The following RGS5 variants were observed in gnomAD, a reference collection of about 807,000 sequenced individuals.
RGS5 encodes the protein regulator of G-protein signalling 5.
A neutral mutation model predicts 18.9 loss-of-function variants in RGS5; 20 were observed. The ratio of observed to expected loss-of-function variants is 1.06; its 90% CI spans 0.74 to 1.54. The LOEUF is 1.54. Ranked by LOEUF, RGS5 falls within the 40% of genes most tolerant of loss-of-function variation. RGS5 has a pLI of 0.00. For missense variants in RGS5, 201 were observed against 211.8 expected (o/e 0.95, Z 0.32); for synonymous variants, 57 against 76.2 (o/e 0.75, Z 1.31).
chr1:163,213,657 A>T (rs74721670), intron 1 of RGS5, among the ~76,000 whole-genome samples: 1 of 152,210 alleles, frequency 6.6e-6, no homozygotes, highest in East Asian at 1.9e-4. Flanking sequence ...TATTTAATCC[A>T]TGTTTGAAGC....
In RGS5 at chr1:163,200,748, A is replaced by G. The variant is rs372716577; in HGVS notation, c.44+2044T>C. 3.9e-5 allele frequency among the ~76,000 whole-genome samples: 6 copies of G among 152,304 alleles called. No homozygotes were observed. The South Asian group carries it at 8.3e-4, about 21-fold the overall frequency. ...CGTATTCTACCACATCCCAATAAAT[A>G]AAAGACTCAGTCAACCTATGGGGAA... On this transcript the variant is annotated intron_variant, in intron 1 of 4. Transcript: ENST00000313961.
At chr1:163,205,725 G>C (rs563381087), upstream of RGS5, among the ~76,000 whole-genome samples, 1 of 152,318 alleles carries the variant, frequency 6.6e-6, no homozygotes, top group East Asian at 1.9e-4. Context: ...AGCTGTGCAA[G>C]TGGAAGCAGT....
Position 163,161,923 on chromosome 1 carries a change from T to G in RGS5, c.209A>C (p.Gln70Pro). ...QWRDSLDKLL[Q>P]NNYGLASFKS... ...AAACAATGGAAACTTACAGTTGTTC[T>G]GCAGGAGTTTGTCCAGGGAATCACG... Residue 70 changes from glutamine to proline, a missense_variant, in exon 3 of 5, where the codon CAG becomes CCG. Transcript: ENST00000313961. 2 of 1,613,084 alleles carry G rather than the reference T, an allele frequency of 1.2e-6. No homozygotes were observed. The highest frequency in any genetic ancestry group is 1.7e-6 in the Non-Finnish European group (2 of 1,179,136).
chr1:163,238,738 G>T, intron 2 of RGS5: 1 of 239,850 alleles, frequency 4.2e-6, no homozygotes. Context: ...TCCTTACATA[G>T]GTTTATCTGC....
intron 2 of RGS5, among the ~76,000 whole-genome samples, chr1:163,252,390 C>G (rs1383952102): frequency 1.3e-5 from 2 of 152,118 alleles, no homozygotes; most frequent in Non-Finnish European, 2.9e-5. Context: ...TTCTTTCATC[C>G]TCTTTACAGG....
chr1:163,265,383 A>T (rs567445898), intron 2 of RGS5, among the ~76,000 whole-genome samples: 154 of 152,214 alleles, frequency 1.0e-3, no homozygotes, highest in African/African-American at 3.6e-3. Context: ...TTTTACTTCA[A>T]TGCTAATTTA....
chr1:163,318,128 T>C (rs1388839949), intron 1 of RGS5, among the ~76,000 whole-genome samples: 1 of 152,068 alleles, frequency 6.6e-6, no homozygotes, highest in Non-Finnish European at 1.5e-5. Flanking sequence ...AAAATAAAGA[T>C]AGTCCAGACA....
intron 2 of RGS5, among the ~76,000 whole-genome samples, chr1:163,274,934 T>C (rs750335163): frequency 2.6e-5 from 4 of 151,984 alleles, no homozygotes; most frequent in African/African-American, 7.3e-5. Flanking sequence ...CTGGGCAACA[T>C]AGGGAAACTC....
At chr1:163,294,250 C>A (rs890663135) in intron 2 of RGS5, among the ~76,000 whole-genome samples, 1 of 152,248 alleles carries the variant, frequency 6.6e-6, no homozygotes, top group East Asian at 1.9e-4. Flanking sequence ...CAGCAGACTT[C>A]TGTCAGGATA....
Position 163,260,103 on chromosome 1 carries a change from T to C in RGS5, c.-281+46130A>G, listed in dbSNP as rs182173010. 337 of 152,350 alleles carry C rather than the reference T, an allele frequency of 2.2e-3. 2 individuals are homozygous for C. Among genetic ancestry groups the C allele is most frequent in the African/African-American group, 7.9e-3 (328 of 41,582 alleles). The allele number at this position is 152,350 out of a possible 1,614,324, so 9.4% of individuals were successfully genotyped here. ...CAGTGTTGTATGTAATACAGGGATA[T>C]AGAATTCAGATTCAAAGCCTATGCT... On this transcript the variant is annotated intron_variant, in intron 2 of 5. Coordinates refer to the RGS5 transcript ENST00000618415.
upstream of RGS5, among the ~76,000 whole-genome samples, chr1:163,205,064 T>C (rs569971410): frequency 1.3e-5 from 2 of 152,272 alleles, no homozygotes; most frequent in South Asian, 2.1e-4. Flanking sequence ...CCAACACTTA[T>C]TTGTTTTTAA....
At chr1:163,316,611 A>G (rs1440366664) in intron 1 of RGS5, among the ~76,000 whole-genome samples, 1 of 132,214 alleles carries the variant, frequency 7.6e-6, no homozygotes, top group African/African-American at 2.9e-5. Flanking sequence ...ATATGATATA[A>G]TATCAGATAG....
At chr1:163,313,066 AACGTTAC>A (rs1277487771) in intron 1 of RGS5, among the ~76,000 whole-genome samples, 1 of 152,220 alleles carries the variant, frequency 6.6e-6, no homozygotes, top group East Asian at 1.9e-4. Flanking sequence ...TTCCCCATAT[AACGTTAC>A]ACCTGAGCTG....
At chr1:163,250,917 G>A (rs1571319093) in intron 2 of RGS5, among the ~76,000 whole-genome samples, 1 of 152,140 alleles carries the variant, frequency 6.6e-6, no homozygotes. Context: ...TGGAAAAATA[G>A]TTTTTCCTAA....
At position 163,157,893 on chromosome 1, in the gene RGS5, G is replaced by A. The variant is rs200494116; in HGVS notation, c.217+4022C>T. 1.1e-4 allele frequency among the ~76,000 whole-genome samples: 16 copies of A among 152,086 alleles called. No homozygotes were observed. The East Asian group carries it at 3.1e-3, about 29-fold the overall frequency. ...GGGTCTTTTTATGTTGCCCAGACTG[G>A]TCTTGAACTCCTGGCCTCAAGCGAT... On this transcript the variant is annotated intron_variant, in intron 3 of 4. Coordinates refer to ENST00000313961, the MANE Select transcript of RGS5 (RefSeq NM_003617.4).
At chr1:163,303,736 G>A (rs1649624666) in intron 2 of RGS5, among the ~76,000 whole-genome samples, 1 of 152,182 alleles carries the variant, frequency 6.6e-6, no homozygotes, top group Admixed American at 6.5e-5. Context: ...ACAGCACGAA[G>A]TGAGTGGCGG....
At chr1:163,270,746 A>G (rs890297143) in intron 2 of RGS5, among the ~76,000 whole-genome samples, 4 of 152,282 alleles carry the variant, frequency 2.6e-5, no homozygotes, top group African/African-American at 2.4e-5. Context: ...TCCTCCAACG[A>G]TAACAGAAAA....
At chr1:163,156,957 A>T (rs1392121278) in intron 3 of RGS5, among the ~76,000 whole-genome samples, 1 of 152,208 alleles carries the variant, frequency 6.6e-6, no homozygotes, top group African/African-American at 2.4e-5. Flanking sequence ...TTTCAAGGAA[A>T]TTATGGTTGC....
intron 2 of RGS5, among the ~76,000 whole-genome samples, chr1:163,274,524 A>C (rs1648804004): frequency 1.3e-5 from 2 of 152,286 alleles, no homozygotes; most frequent in Admixed American, 1.3e-4. Context: ...ATATAAGTAG[A>C]GTGTTTTCCT....
Sources: allele counts gnomAD v4.1 joint callset (sites outside exome capture counted in the v4.1 genomes callset), GRCh38; gene constraint gnomAD v4.1.1; transcripts MANE v1.5; gene names NCBI Gene and HGNC (gene_info 2026-07-23, HGNC 2026-07-21).